The following ZMYND8 variants were observed in gnomAD, a reference collection of about 807,000 sequenced individuals.
ZMYND8 encodes the protein zinc finger MYND-type containing 8.
In ZMYND8, 37 loss-of-function variants were observed where a neutral mutation model predicts 140.8. That is an observed-to-expected ratio of 0.26 (90% CI 0.20 to 0.35). The LOEUF is 0.35. Ranked by LOEUF, ZMYND8 falls within the 10% of genes least tolerant of loss-of-function variation. The pLI is 1.00. For synonymous variants in ZMYND8, 592 were observed against 597.1 expected, an observed-to-expected ratio of 0.99 and a Z score of 0.12; for missense variants, 1,068 against 1,570.0, an observed-to-expected ratio of 0.68 and a Z score of 5.40.
rs760459776 is a variant in ZMYND8 at position 47,347,902 on chromosome 20, T to G, written c.39A>C (p.Thr13=). ...PQSLAEEEIK[T]EQEVVEGMDI... ...CCATGCCCTCTACCACCTCCTGTTCTGTTTTTATTTCCTCTTCAGCCAAGC... is the reference window on the plus strand; with the variant it reads ...CCATGCCCTCTACCACCTCCTGTTCGGTTTTTATTTCCTCTTCAGCCAAGC... The change falls in exon 2 of 23, where the codon ACA becomes ACC. Residue 13 remains threonine, a synonymous_variant. Transcript: ENST00000471951. 6.2e-7 allele frequency: 1 copy of G among 1,614,048 alleles called. No individual in the cohort carries two copies. Among genetic ancestry groups the G allele is most frequent in the Non-Finnish European group, 8.5e-7 (1 of 1,180,028 alleles).
chr20:47,239,233 T>C (rs2039641958), intron 14 of ZMYND8, 95 bp from the exon 15 acceptor site: 53 of 1,413,366 alleles, frequency 3.7e-5, no homozygotes, highest in Non-Finnish European at 4.6e-5. Context: ...GTAAAACCTA[T>C]GAAAGCCAGG....
chr20:47,284,043 C>T (rs1569093577), intron 8 of ZMYND8, among the ~76,000 whole-genome samples: 1 of 152,202 alleles, frequency 6.6e-6, no homozygotes, highest in African/African-American at 2.4e-5. Flanking sequence ...GTGCCTCAGC[C>T]TCCCAAGTAG....
intron 11 of ZMYND8, among the ~76,000 whole-genome samples, chr20:47,264,140 G>A (rs1427676794): frequency 1.3e-5 from 2 of 152,224 alleles, no homozygotes; most frequent in African/African-American, 2.4e-5. Flanking sequence ...CATAGGGATG[G>A]AGTAGGCATG....
intron 21 of ZMYND8, among the ~76,000 whole-genome samples, chr20:47,213,150 A>T (rs1428695449): frequency 6.6e-6 from 1 of 152,200 alleles, no homozygotes; most frequent in Non-Finnish European, 1.5e-5. Flanking sequence ...GCCCACAGTG[A>T]TAACAGAATA....
chr20:47,261,147 G>A (rs1040487458), intron 12 of ZMYND8, among the ~76,000 whole-genome samples: 1 of 152,172 alleles, frequency 6.6e-6, no homozygotes, highest in Admixed American at 6.6e-5. Flanking sequence ...TTGAACCTGG[G>A]AAGCAGAAGT....
At chr20:47,329,610 G>A (rs2080764410) in intron 2 of ZMYND8, among the ~76,000 whole-genome samples, 1 of 151,996 alleles carries the variant, frequency 6.6e-6, no homozygotes, top group Non-Finnish European at 1.5e-5. Flanking sequence ...CTCCATGTTG[G>A]TCAGGCTGGT....
chr20:47,232,152 A>T (rs1447954665), intron 16 of ZMYND8, among the ~76,000 whole-genome samples: 2 of 152,130 alleles, frequency 1.3e-5, no homozygotes, highest in African/African-American at 4.8e-5. Flanking sequence ...CAGGCGAATC[A>T]CCTGAGGTCA....
intron 17 of ZMYND8, among the ~76,000 whole-genome samples, chr20:47,228,476 T>C (rs1346320782): frequency 2.0e-5 from 3 of 152,192 alleles, no homozygotes; most frequent in Admixed American, 1.3e-4. Context: ...TCAGGTGAGA[T>C]ATTATGAACC....
chr20:47,312,802 A>AG (rs2079040392), intron 2 of ZMYND8, among the ~76,000 whole-genome samples: 2 of 151,834 alleles, frequency 1.3e-5, no homozygotes, highest in South Asian at 4.1e-4. Flanking sequence ...AAAAAAAAAA[A>AG]AAAAAGAGAG....
chr20:47,267,673 C>T (rs966747499), intron 11 of ZMYND8, among the ~76,000 whole-genome samples: 3 of 152,186 alleles, frequency 2.0e-5, no homozygotes, highest in Admixed American at 2.0e-4. Flanking sequence ...GCTCCATCAC[C>T]TAAAAACATC....
chr20:47,267,188 G>C (rs1203593175), intron 11 of ZMYND8, among the ~76,000 whole-genome samples: 7 of 152,050 alleles, frequency 4.6e-5, no homozygotes, highest in Admixed American at 6.6e-5. Flanking sequence ...ACCCAGAATA[G>C]GAAAGTCAGT....
chr20:47,248,168 C>T (rs989848838), intron 13 of ZMYND8, among the ~76,000 whole-genome samples: 13 of 152,118 alleles, frequency 8.5e-5, no homozygotes, highest in African/African-American at 1.9e-4. Context: ...TTTCTCTATC[C>T]GCAAAATGGG....
chr20:47,219,774 G>C (rs1180735630), intron 21 of ZMYND8, among the ~76,000 whole-genome samples: 1 of 152,130 alleles, frequency 6.6e-6, no homozygotes, highest in African/African-American at 2.4e-5. Flanking sequence ...CTGCCTGCCA[G>C]GTTATTCTCC....
chr20:47,333,674 C>T (rs186163128), intron 2 of ZMYND8, among the ~76,000 whole-genome samples: 2 of 126,484 alleles, frequency 1.6e-5, no homozygotes, highest in Non-Finnish European at 3.1e-5. Context: ...TGCAGTGACA[C>T]GAGATAGTGC....
chr20:47,333,712 G>A (rs1602020224), intron 2 of ZMYND8, among the ~76,000 whole-genome samples: 1 of 114,058 alleles, frequency 8.8e-6, no homozygotes, highest in South Asian at 3.1e-4. Flanking sequence ...GTGACAGAGC[G>A]AGACTCCGTC....
In ZMYND8 at chr20:47,210,434, G is replaced by GTT. The variant is rs2035082693; in HGVS notation, c.*325_*326dup. The GTT allele has an allele frequency of 7.9e-6, 1 of 126,256 alleles. No individual in the cohort carries two copies. Among genetic ancestry groups the GTT allele is most frequent in the Non-Finnish European group, 1.6e-5 (1 of 63,876 alleles). 7.8% of individuals were successfully genotyped at this position (126,256 alleles called of 1,614,324 possible). A position where few individuals can be genotyped will look rare whatever the true frequency, so the allele number is the denominator to read the frequency against. ...TTGCTTTTTTTTTTTTTTTTAAATC[G>GTT]TTTTTCTTTTTCTTTTTTTTTTTTT... On this transcript the variant is annotated 3_prime_UTR_variant, in exon 23 of 23. Coordinates refer to ENST00000471951, the MANE Select transcript of ZMYND8 (RefSeq NM_001281775.3).
intron 2 of ZMYND8, among the ~76,000 whole-genome samples, chr20:47,314,267 G>A (rs1233368312): frequency 6.6e-6 from 1 of 152,148 alleles, no homozygotes; most frequent in African/African-American, 2.4e-5. Context: ...GGGAGGCTGA[G>A]GTTAGCAGAT....
At chr20:47,212,613 C>A in intron 22 of ZMYND8, 29 bp downstream of exon 22, 3 of 1,612,238 alleles carry the variant, frequency 1.9e-6, no homozygotes, top group Non-Finnish European at 2.5e-6. Context: ...GAAGCCCCGG[C>A]AGCTTTCGTA....
At chr20:47,317,873 T>C (rs1404893170) in intron 2 of ZMYND8, among the ~76,000 whole-genome samples, 1 of 151,870 alleles carries the variant, frequency 6.6e-6, no homozygotes, top group Non-Finnish European at 1.5e-5. Context: ...CCTCAGAGAG[T>C]TTACCACTTT....
Sources: gnomAD v4.1 joint callset for allele counts (sites outside exome capture counted in the v4.1 genomes callset) on GRCh38, gnomAD v4.1.1 for gene constraint, MANE v1.5 for transcripts, NCBI Gene and HGNC (gene_info 2026-07-23, HGNC 2026-07-21) for gene names.